Variants in KCNAB1 observed in about 807,000 individuals in gnomAD.
KCNAB1 encodes the protein potassium voltage-gated channel subfamily A regulatory beta subunit 1, also known as voltage-gated potassium channel subunit beta-1.
Under a neutral mutation model 64.6 loss-of-function variants are expected in KCNAB1, and 35 were observed. That is an observed-to-expected ratio of 0.54 (90% confidence interval 0.41 to 0.72). The LOEUF is 0.72. KCNAB1 is among the 30% of genes least tolerant of loss of function. The probability of loss-of-function intolerance (pLI) is 0.00; values close to 1 mark genes in which losing one functional copy is unlikely to be tolerated. For synonymous variants in KCNAB1, 177 were observed against 183.8 expected (o/e 0.96, Z 0.30); for missense variants, 401 against 512.9 (o/e 0.78, Z 2.11).
chr3:156,426,724 T>C (rs1715848060), intron 2 of KCNAB1, among the ~76,000 whole-genome samples: 1 of 152,224 alleles, frequency 6.6e-6, no homozygotes, highest in South Asian at 2.1e-4. Context: ...TTGAATCATA[T>C]AGTATGTAGC....
At chr3:156,150,382 T>G (rs1715333519) in intron 1 of KCNAB1, among the ~76,000 whole-genome samples, 1 of 152,196 alleles carries the variant, frequency 6.6e-6, no homozygotes. Flanking sequence ...GGGGCAGATA[T>G]TCAATCTGTT....
At chr3:156,184,841 G>T (rs972206566) in intron 1 of KCNAB1, among the ~76,000 whole-genome samples, 3 of 152,102 alleles carry the variant, frequency 2.0e-5, no homozygotes, top group Non-Finnish European at 4.4e-5. Context: ...GTCCCATACT[G>T]GTTGGGCCAT....
chr3:156,459,343 C>T (rs552287235), intron 4 of KCNAB1, among the ~76,000 whole-genome samples: 42 of 152,238 alleles, frequency 2.8e-4, no homozygotes, highest in African/African-American at 8.4e-4. Context: ...GTTCTGTACG[C>T]GAGTGTTCTC....
chr3:156,192,202 C>G (rs1713604411), intron 1 of KCNAB1, among the ~76,000 whole-genome samples: 1 of 152,026 alleles, frequency 6.6e-6, no homozygotes, highest in Non-Finnish European at 1.5e-5. Context: ...TGAGTTCATT[C>G]TTTTTATTGC....
chr3:156,446,756 C>G (rs989933542), intron 2 of KCNAB1: 2 of 152,338 alleles, frequency 1.3e-5, no homozygotes, highest in African/African-American at 4.8e-5. Context: ...ACTACCACCA[C>G]CTTGGACCAA....
chr3:156,352,986 C>T (rs1724959096), intron 1 of KCNAB1, among the ~76,000 whole-genome samples: 2 of 152,260 alleles, frequency 1.3e-5, no homozygotes, highest in Admixed American at 1.3e-4. Flanking sequence ...GGGCTCACCC[C>T]ACACATCTAA....
chr3:156,514,056 T>C (rs1717395541), intron 8 of KCNAB1, among the ~76,000 whole-genome samples: 1 of 152,206 alleles, frequency 6.6e-6, no homozygotes, highest in African/African-American at 2.4e-5. Flanking sequence ...ATGTATTCTT[T>C]ATTAGGCCAG....
chr3:156,312,731 A>AAAAAAAC (rs1722007557), intron 1 of KCNAB1, among the ~76,000 whole-genome samples: 3 of 144,614 alleles, frequency 2.1e-5, no homozygotes, highest in African/African-American at 5.4e-5. Flanking sequence ...AAAAAAAAAA[A>AAAAAAAC]CTCATAATAA....
chr3:156,348,253 A>G (rs1304061225), intron 1 of KCNAB1, among the ~76,000 whole-genome samples: 1 of 152,200 alleles, frequency 6.6e-6, no homozygotes, highest in East Asian at 1.9e-4. Context: ...GAACATCCAG[A>G]CAATGAGAAC....
chr3:156,292,089 T>G, intron 1 of KCNAB1: 5 of 1,613,956 alleles, frequency 3.1e-6, no homozygotes, highest in Non-Finnish European at 4.2e-6. Context: ...CACATTTCTC[T>G]CAAAGAGTCC....
At chr3:156,292,714 T>C (rs1203447388) in intron 1 of KCNAB1, among the ~76,000 whole-genome samples, 1 of 152,164 alleles carries the variant, frequency 6.6e-6, no homozygotes, top group Non-Finnish European at 1.5e-5. Flanking sequence ...GCTCATTTTT[T>C]ATGTTTTTAA....
chr3:156,297,696 G>C (rs1720890431), intron 1 of KCNAB1, among the ~76,000 whole-genome samples: 1 of 152,016 alleles, frequency 6.6e-6, no homozygotes, highest in African/African-American at 2.4e-5. Context: ...GGTAGTTTTT[G>C]AATTAAAACA....
chr3:156,514,014 G>C (rs1300642988), intron 8 of KCNAB1, among the ~76,000 whole-genome samples: 1 of 152,082 alleles, frequency 6.6e-6, no homozygotes, highest in Non-Finnish European at 1.5e-5. Flanking sequence ...ACTTTAGTCG[G>C]GAAGGTACTC....
intron 1 of KCNAB1, among the ~76,000 whole-genome samples, chr3:156,194,549 T>C (rs891253535): frequency 1.1e-4 from 17 of 152,170 alleles, no homozygotes; most frequent in African/African-American, 3.4e-4. Context: ...TTTGACTTGG[T>C]ATAGCTTTCT....
Position 156,133,723 on chromosome 3 carries a change from C to T in KCNAB1, c.275+12837C>T, listed in dbSNP as rs935266049. On this transcript the variant is annotated intron_variant, in intron 1 of 13. Transcript: ENST00000490337. ...CAGGTAAAAGGGTGATTAGTTATGC[C>T]GGGAGGCAGGGAGACAGGGAAGAGA... Among the ~76,000 whole-genome samples, 12 of 151,948 alleles carry T rather than the reference C, an allele frequency of 7.9e-5. No homozygotes were observed. In the East Asian group the frequency reaches 9.6e-4, roughly 12 times the overall value.
intron 1 of KCNAB1, among the ~76,000 whole-genome samples, chr3:156,301,086 C>G (rs1721125682): frequency 6.6e-6 from 1 of 152,192 alleles, no homozygotes; most frequent in Admixed American, 6.5e-5. Flanking sequence ...TTCATATCTA[C>G]TGGAAAGCCC....
intron 8 of KCNAB1, among the ~76,000 whole-genome samples, chr3:156,493,826 G>A (rs1419795516): frequency 4.6e-5 from 7 of 152,062 alleles, no homozygotes; most frequent in Non-Finnish European, 1.0e-4. Flanking sequence ...TTCAGATTAA[G>A]CACTTTTGGC....
intron 5 of KCNAB1, chr3:156,460,257 ACT>A (rs2108293553): frequency 5.8e-6 from 1 of 173,060 alleles, no homozygotes; most frequent in Admixed American, 6.3e-5. Context: ...TATTTTATTA[ACT>A]CTGGATGCAA....
In KCNAB1 at chr3:156,505,433, C is replaced by T. The variant is rs1448658382; in HGVS notation, c.659-8931C>T. 3.9e-5 allele frequency among the ~76,000 whole-genome samples: 6 copies of T among 152,050 alleles called. No homozygotes were observed. The East Asian group carries it at 9.6e-4, about 24-fold the overall frequency. ...TTTAGGATTGTTTTCTCTATTTCTG[C>T]AAAGAATGTAATTGGAATTTTGATA... is the stretch of plus-strand genomic sequence containing the variant. On this transcript the variant is annotated intron_variant, in intron 8 of 13. Coordinates refer to ENST00000490337, the MANE Select transcript of KCNAB1 (RefSeq NM_172160.3).
Sources: allele counts gnomAD v4.1 joint callset (sites outside exome capture counted in the v4.1 genomes callset), GRCh38; gene constraint gnomAD v4.1.1; transcripts MANE v1.5; gene names NCBI Gene and HGNC (gene_info 2026-07-23, HGNC 2026-07-21).